The following C12orf42 variants were observed in gnomAD, a reference collection of about 807,000 sequenced individuals.
The protein encoded by C12orf42 is chromosome 12 open reading frame 42.
Under a neutral mutation model 21.6 loss-of-function variants are expected in C12orf42, and 25 were observed. The observed-to-expected ratio is 1.16, with a 90% CI of 0.84 to 1.62. The LOEUF (loss-of-function observed/expected upper bound fraction) is 1.62. Among genes scored for constraint, C12orf42 ranks in the 40% most tolerant of loss-of-function variants. The pLI, the probability that C12orf42 is intolerant of heterozygous loss-of-function variation, is 0.00. For synonymous variants in C12orf42, 174 were observed against 175.0 expected, an observed-to-expected ratio of 0.99 and a Z score of 0.05; for missense variants, 483 against 459.3, an observed-to-expected ratio of 1.05 and a Z score of -0.47.
At chr12:103,319,699 T>C (rs1260556976) in intron 4 of C12orf42, among the ~76,000 whole-genome samples, 1 of 152,260 alleles carries the variant, frequency 6.6e-6, no homozygotes, top group Non-Finnish European at 1.5e-5. Context: ...GGCCAATACA[T>C]CTTCTAACAC....
intron 3 of C12orf42, among the ~76,000 whole-genome samples, chr12:103,376,373 A>G (rs1256439518): frequency 1.3e-5 from 2 of 151,880 alleles, no homozygotes; most frequent in African/African-American, 4.8e-5. Context: ...ACACGGACGC[A>G]GGGAGGGGAA....
intron 3 of C12orf42, among the ~76,000 whole-genome samples, chr12:103,378,137 A>G (rs1427087395): frequency 2.0e-5 from 3 of 152,212 alleles, no homozygotes; most frequent in East Asian, 1.9e-4. Flanking sequence ...AAAGGACTCA[A>G]TAAATTTATA....
chr12:103,164,673 C>T, the C12orf42 span: 1 of 451,364 alleles, frequency 2.2e-6, no homozygotes, highest in African/African-American at 2.0e-5. Context: ...CTTTTGTAAA[C>T]CTTTTGTTTT....
the C12orf42 span, among the ~76,000 whole-genome samples, chr12:103,086,250 CTTAA>C: frequency 6.6e-6 from 1 of 151,836 alleles, no homozygotes. Flanking sequence ...AGTTACTTTA[CTTAA>C]TTAATCTGGA....
At chr12:103,201,606 T>C in the C12orf42 span, among the ~76,000 whole-genome samples, 3 of 152,286 alleles carry the variant, frequency 2.0e-5, no homozygotes, top group South Asian at 4.1e-4. Flanking sequence ...ATGGTCAAGG[T>C]TGAGTTCTTC....
At chr12:103,145,944 C>CATAT in the C12orf42 span, among the ~76,000 whole-genome samples, 16 of 150,106 alleles carry the variant, frequency 1.1e-4, no homozygotes, top group Admixed American at 2.0e-4. Context: ...TTTTCGTATA[C>CATAT]ATATATATAT....
At chr12:103,259,705 T>G (rs1447894850) in intron 10 of C12orf42, among the ~76,000 whole-genome samples, 1 of 152,210 alleles carries the variant, frequency 6.6e-6, no homozygotes, top group Non-Finnish European at 1.5e-5. Flanking sequence ...TGTTGCCTTT[T>G]GTCAGTGGTT....
chr12:103,537,682 C>T, the C12orf42 span, among the ~76,000 whole-genome samples: 1 of 152,172 alleles, frequency 6.6e-6, no homozygotes, highest in African/African-American at 2.4e-5. Context: ...AAGGACTGAC[C>T]TCATTCTCCT....
At chr12:103,103,185 C>T in the C12orf42 span, among the ~76,000 whole-genome samples, 4 of 152,144 alleles carry the variant, frequency 2.6e-5, no homozygotes, top group Non-Finnish European at 5.9e-5. Context: ...CTTCCAAGCT[C>T]AAGCATAGGG....
the C12orf42 span, among the ~76,000 whole-genome samples, chr12:103,162,527 GT>G: frequency 6.6e-6 from 1 of 151,978 alleles, no homozygotes; most frequent in African/African-American, 2.4e-5. Flanking sequence ...GTGTGTGTGT[GT>G]GTGTGTGTGT....
At chr12:103,130,386 C>G in the C12orf42 span, among the ~76,000 whole-genome samples, 6 of 150,664 alleles carry the variant, frequency 4.0e-5, no homozygotes, top group African/African-American at 1.5e-4. Flanking sequence ...CTTTAATCAT[C>G]ATTCTAATAA....
chr12:103,153,264 G>A, the C12orf42 span, among the ~76,000 whole-genome samples: 1 of 152,116 alleles, frequency 6.6e-6, no homozygotes, highest in Non-Finnish European at 1.5e-5. Context: ...TCACTTGGGA[G>A]TAGCAAATAT....
downstream of C12orf42, among the ~76,000 whole-genome samples, chr12:103,233,465 A>T (rs1662786864): frequency 6.6e-6 from 1 of 151,912 alleles, no homozygotes; most frequent in South Asian, 2.1e-4. Flanking sequence ...ACATGAAATA[A>T]CTCTCTGTTT....
rs144699477 is a variant in C12orf42 at position 103,303,310 on chromosome 12, A to G, written c.632-751T>C. ...TTCATATGTATATATAAACTTCCAT[A>G]TTATATAATATATTGCATATATAAA... On this transcript the variant is annotated intron_variant, in intron 5 of 5. Coordinates refer to ENST00000548883, the MANE Select transcript of C12orf42 (RefSeq NM_198521.5). Among the ~76,000 whole-genome samples the G allele has an allele frequency of 3.3e-3, 501 of 151,926 alleles. 4 individuals are homozygous for G. Among genetic ancestry groups the G allele is most frequent in the African/African-American group, 0.012 (478 of 41,490 alleles).
At chr12:103,343,987 G>C (rs948275911) in intron 4 of C12orf42, among the ~76,000 whole-genome samples, 3 of 152,104 alleles carry the variant, frequency 2.0e-5, no homozygotes, top group African/African-American at 7.2e-5. Context: ...TGTGCCTTGA[G>C]TGTACATATC....
chr12:103,253,938 CTGA>C (rs1231524366), intron 10 of C12orf42, among the ~76,000 whole-genome samples: 1 of 151,798 alleles, frequency 6.6e-6, no homozygotes, highest in Non-Finnish European at 1.5e-5. Context: ...TCTGTTTGCT[CTGA>C]TGACAGTTTA....
At chr12:103,060,715 C>A in the C12orf42 span, among the ~76,000 whole-genome samples, 1 of 152,100 alleles carries the variant, frequency 6.6e-6, no homozygotes, top group African/African-American at 2.4e-5. Flanking sequence ...CAAAAACAAG[C>A]AATGGGGAAA....
intron 4 of C12orf42, among the ~76,000 whole-genome samples, chr12:103,308,493 T>G (rs2038604955): frequency 6.6e-6 from 1 of 152,216 alleles, no homozygotes; most frequent in African/African-American, 2.4e-5. Context: ...AGTTTAGCAT[T>G]CCTTACCATT....
the C12orf42 span, among the ~76,000 whole-genome samples, chr12:103,079,990 T>C: frequency 6.6e-6 from 1 of 152,202 alleles, no homozygotes; most frequent in African/African-American, 2.4e-5. Flanking sequence ...TTACCTATCT[T>C]ATGGCTCTGG....
Sources: allele counts gnomAD v4.1 joint callset (sites outside exome capture counted in the v4.1 genomes callset), GRCh38; gene constraint gnomAD v4.1.1; transcripts MANE v1.5; gene names NCBI Gene and HGNC (gene_info 2026-07-23, HGNC 2026-07-21).